FHIP2A: variants seen among roughly 807,000 people sequenced by gnomAD.
FHIP2A encodes the protein FHF complex subunit HOOK interacting protein 2A, also known as family with sequence similarity 160 member B1.
FHIP2A carries 46 observed loss-of-function variants against 93.5 expected under a neutral mutation model. The ratio of observed to expected loss-of-function variants is 0.49; its 90% CI spans 0.39 to 0.63. The LOEUF (loss-of-function observed/expected upper bound fraction) is 0.63. FHIP2A is among the 20% of genes least tolerant of loss of function. The pLI, the probability that FHIP2A is intolerant of heterozygous loss-of-function variation, is 0.00. For missense variants in FHIP2A, 769 were observed against 909.7 expected, an observed-to-expected ratio of 0.85 and a Z score of 1.99; for synonymous variants, 332 against 326.5, an observed-to-expected ratio of 1.02 and a Z score of -0.18.
At chr10:114,828,278 A>C (rs1374397904) in intron 1 of FHIP2A, among the ~76,000 whole-genome samples, 1 of 152,196 alleles carries the variant, frequency 6.6e-6, no homozygotes, top group Non-Finnish European at 1.5e-5. Context: ...GTAACCTACA[A>C]CAAGGGTCCT....
At chr10:114,899,419 A>G (rs1467864875) in intron 16 of FHIP2A, 1 of 715,858 alleles carries the variant, frequency 1.4e-6, no homozygotes, top group Non-Finnish European at 2.6e-6. Flanking sequence ...TTAGATCCGT[A>G]TGCTCAGGCT....
At chr10:114,855,139 C>A in intron 13 of FHIP2A, 58 bp from the exon 14 acceptor site, 1 of 1,535,488 alleles carries the variant, frequency 6.5e-7, no homozygotes, top group Non-Finnish European at 8.9e-7. Context: ...GAAATCATTT[C>A]TATTTCATCT....
At chr10:114,880,043 T>C (rs1166934257) in intron 16 of FHIP2A, among the ~76,000 whole-genome samples, 1 of 152,238 alleles carries the variant, frequency 6.6e-6, no homozygotes, top group Non-Finnish European at 1.5e-5. Context: ...ATAGTGGTGC[T>C]CTAAGCCTTT....
chr10:114,828,911 T>A (rs1332705453), intron 1 of FHIP2A, among the ~76,000 whole-genome samples: 4 of 152,218 alleles, frequency 2.6e-5, no homozygotes, highest in Non-Finnish European at 5.9e-5. Context: ...TTTTATTCCA[T>A]AAATACATTT....
chr10:114,824,451 C>T (rs1325844076), intron 1 of FHIP2A, among the ~76,000 whole-genome samples: 2 of 152,150 alleles, frequency 1.3e-5, no homozygotes, highest in Non-Finnish European at 2.9e-5. Context: ...TTCACCTAGT[C>T]CTGAAATTAA....
chr10:114,882,903 AC>A (rs2083924096), intron 16 of FHIP2A, among the ~76,000 whole-genome samples: 1 of 151,738 alleles, frequency 6.6e-6, no homozygotes. Context: ...AGAAAAGAAA[AC>A]ACCTCATGAG....
At chr10:114,894,396 A>C (rs970530965) in intron 16 of FHIP2A, among the ~76,000 whole-genome samples, 11 of 22,186 alleles carry the variant, frequency 5.0e-4, no homozygotes, top group Admixed American at 9.8e-4. Flanking sequence ...CCATCTCTAC[A>C]AAAAAAAAAA....
At chr10:114,845,823 T>G (rs1048601784) in intron 8 of FHIP2A, among the ~76,000 whole-genome samples, 190 bp from the exon 9 acceptor site, 13 of 152,168 alleles carry the variant, frequency 8.5e-5, no homozygotes, top group African/African-American at 3.1e-4. Context: ...TCTTGGAAAT[T>G]TAGAAAAAAG....
intron 7 of FHIP2A, among the ~76,000 whole-genome samples, chr10:114,844,302 T>G (rs2083687438): frequency 6.6e-6 from 1 of 152,236 alleles, no homozygotes; most frequent in Admixed American, 6.5e-5. Context: ...CTGGCCTGTT[T>G]GTACAGAATC....
rs1237329719 is a variant in FHIP2A at position 114,863,045 on chromosome 10, A to G, written c.*1505A>G. ...TATTTATTAAGAACAGAATATCAAAAGATTATGAATAGCCTCAGCTCTAGA... is the reference window on the plus strand; with the variant it reads ...TATTTATTAAGAACAGAATATCAAAGGATTATGAATAGCCTCAGCTCTAGA... On this transcript the variant is annotated 3_prime_UTR_variant, in exon 17 of 17. Transcript: ENST00000369248. The G allele has an allele frequency of 1.0e-6, 1 of 984,972 alleles. No individual in the cohort carries two copies. The highest frequency in any genetic ancestry group is 1.2e-6 in the Non-Finnish European group (1 of 829,598). 61.0% of individuals were successfully genotyped at this position (984,972 alleles called of 1,614,324 possible).
chr10:114,850,877 C>T (rs2083730889), intron 13 of FHIP2A, among the ~76,000 whole-genome samples: 2 of 152,238 alleles, frequency 1.3e-5, no homozygotes, highest in South Asian at 4.2e-4. Context: ...TGTCCTTCAA[C>T]ACACAAAAGT....
In FHIP2A at chr10:114,830,815, C is replaced by G. The variant is rs373728177; in HGVS notation, c.46-37C>G. The G allele has an allele frequency of 6.4e-6, 9 of 1,407,110 alleles. No individual in the cohort carries two copies. The African/African-American group carries it at 1.1e-4, about 18-fold the overall frequency. The allele number at this position is 1,407,110 out of a possible 1,614,324, so 87.2% of individuals were successfully genotyped here. A position where few individuals can be genotyped will look rare whatever the true frequency, so the allele number is the denominator to read the frequency against. On this transcript the variant is annotated intron_variant, in intron 1 of 16. Coordinates refer to ENST00000369248, the MANE Select transcript of FHIP2A (RefSeq NM_020940.4). Reference sequence around the variant, plus strand: ...TATAAGTTATGGGAAATTTTCAATGCCATTTTCTTAATTGTTGTGGTCTTT... The same window carrying G: ...TATAAGTTATGGGAAATTTTCAATGGCATTTTCTTAATTGTTGTGGTCTTT...
At position 114,830,724 on chromosome 10, in the gene FHIP2A, A is replaced by G. The variant is rs1184360655; in HGVS notation, c.46-128A>G. The G allele has an allele frequency of 1.4e-5, 7 of 492,856 alleles. No homozygotes were observed. The East Asian group carries it at 2.0e-4, about 14-fold the overall frequency. 30.5% of individuals were successfully genotyped at this position (492,856 alleles called of 1,614,324 possible). A position where few individuals can be genotyped will look rare whatever the true frequency, so the allele number is the denominator to read the frequency against. ...ATTTTGTTTCTCTTTAATATCTGAC[A>G]TATAAAAACAAAGTTCACCCCTTAT... On this transcript the variant is annotated intron_variant, in intron 1 of 16. Transcript: ENST00000369248.
chr10:114,849,102 T>C (rs1479762748), intron 13 of FHIP2A, among the ~76,000 whole-genome samples: 1 of 110,982 alleles, frequency 9.0e-6, no homozygotes, highest in Admixed American at 1.4e-4. Context: ...AGATCGTGCC[T>C]GGGCAAGAGA....
At position 114,864,632 on chromosome 10, in the gene FHIP2A, G is replaced by T; in HGVS notation, c.*3092G>T. ...ACCTACTCTCTCTTCAAAGGAAGTT[G>T]TGATCAAGTTCAACTTTTTGTGCTA... On this transcript the variant is annotated 3_prime_UTR_variant, in exon 17 of 17. Transcript: ENST00000369248. The T allele has an allele frequency of 5.1e-6, 5 of 985,768 alleles. No individual in the cohort carries two copies. Among genetic ancestry groups the T allele is most frequent in the Non-Finnish European group, 6.0e-6 (5 of 829,902 alleles). The allele number at this position is 985,768 out of a possible 1,614,324, so 61.1% of individuals were successfully genotyped here.
chr10:114,865,271 A>G (rs955474582), downstream of FHIP2A, among the ~76,000 whole-genome samples: 2 of 152,142 alleles, frequency 1.3e-5, no homozygotes, highest in African/African-American at 4.8e-5. Context: ...TACAGGTGTG[A>G]GCCACCGCGC....
At chr10:114,868,033 C>A (rs537981218), downstream of FHIP2A, among the ~76,000 whole-genome samples, 70 of 151,648 alleles carry the variant, frequency 4.6e-4, no homozygotes, top group African/African-American at 1.6e-3. Flanking sequence ...TCAACTCAAG[C>A]AATCCTGCCT....
chr10:114,877,844 G>A (rs1157264476), intron 16 of FHIP2A, among the ~76,000 whole-genome samples: 2 of 150,652 alleles, frequency 1.3e-5, no homozygotes, highest in Non-Finnish European at 3.0e-5. Flanking sequence ...CACCCTTGGA[G>A]AGCTAGCAAG....
intron 16 of FHIP2A, among the ~76,000 whole-genome samples, chr10:114,886,244 C>T (rs900953549): frequency 6.6e-6 from 1 of 152,170 alleles, no homozygotes; most frequent in Non-Finnish European, 1.5e-5. Flanking sequence ...GAAACTAAAA[C>T]ACCAAGAATT....
Sources: allele counts gnomAD v4.1 joint callset (sites outside exome capture counted in the v4.1 genomes callset), GRCh38; gene constraint gnomAD v4.1.1; transcripts MANE v1.5; gene names NCBI Gene and HGNC (gene_info 2026-07-23, HGNC 2026-07-21).